The following RUNX1 variants were observed in gnomAD, a reference collection of about 807,000 sequenced individuals.
RUNX1 encodes RUNX family transcription factor 1.
Under a neutral mutation model 42.8 loss-of-function variants are expected in RUNX1, and 19 were observed. That is an observed-to-expected ratio of 0.44 (90% CI 0.31 to 0.65). The LOEUF is 0.65. Among genes scored for constraint, RUNX1 ranks in the 30% least tolerant of loss-of-function variants. The pLI is 0.07. For synonymous variants in RUNX1, 271 were observed against 289.4 expected, an observed-to-expected ratio of 0.94 and a Z score of 0.64; for missense variants, 528 against 672.0, an observed-to-expected ratio of 0.79 and a Z score of 2.37.
At chr21:34,965,445 AG>A (rs2146722653) in intron 2 of RUNX1, among the ~76,000 whole-genome samples, 1 of 152,282 alleles carries the variant, frequency 6.6e-6, no homozygotes, top group South Asian at 2.1e-4. Context: ...GTTTTTACAT[AG>A]GTACCTCTTT....
At chr21:35,047,377 G>T (rs973312897) in intron 2 of RUNX1, among the ~76,000 whole-genome samples, 1 of 152,042 alleles carries the variant, frequency 6.6e-6, no homozygotes, top group African/African-American at 2.4e-5. Flanking sequence ...ACTAACGCAC[G>T]TCTGCATGAT....
intron 2 of RUNX1, among the ~76,000 whole-genome samples, chr21:34,972,007 T>G (rs1344419320): frequency 6.6e-6 from 1 of 152,200 alleles, no homozygotes; most frequent in Non-Finnish European, 1.5e-5. Flanking sequence ...AAAAATATAG[T>G]TTAGAACACT....
intron 5 of RUNX1, among the ~76,000 whole-genome samples, chr21:34,866,726 C>T (rs1017885242): frequency 6.6e-6 from 1 of 152,158 alleles, no homozygotes; most frequent in African/African-American, 2.4e-5. Flanking sequence ...TCCTGATTCT[C>T]CATGCTGAAT....
chr21:34,989,369 C>T (rs891505298), intron 2 of RUNX1, among the ~76,000 whole-genome samples: 4 of 151,858 alleles, frequency 2.6e-5, no homozygotes, highest in Non-Finnish European at 5.9e-5. Context: ...CTTCTTAGTT[C>T]GTACTACAGC....
intron 2 of RUNX1, among the ~76,000 whole-genome samples, chr21:34,904,532 A>G (rs976100981): frequency 1.3e-5 from 2 of 152,212 alleles, no homozygotes; most frequent in Non-Finnish European, 2.9e-5. Context: ...ACCACAAATG[A>G]GCCCAAAAAT....
chr21:35,020,977 G>T (rs765345453), intron 2 of RUNX1, among the ~76,000 whole-genome samples: 1 of 152,162 alleles, frequency 6.6e-6, no homozygotes, highest in Admixed American at 6.5e-5. Context: ...TTACCTTCAG[G>T]CTGGCTGGCT....
intron 3 of RUNX1, among the ~76,000 whole-genome samples, chr21:34,889,399 TGCGCCCGGGCCGCGGCTCGATCCCTCC>T (rs2146433394): frequency 6.9e-6 from 1 of 144,272 alleles, no homozygotes; most frequent in African/African-American, 2.4e-5. Context: ...TTTTTACCGC[TGCGCCCGGGCCGCGGCTCGATCCCTCC>T]GCGCGTCTCA....
At chr21:34,990,446 A>G (rs1367358391) in intron 2 of RUNX1, among the ~76,000 whole-genome samples, 1 of 152,094 alleles carries the variant, frequency 6.6e-6, no homozygotes, top group Non-Finnish European at 1.5e-5. Context: ...ACAGTGATGG[A>G]TCTTTGCCAT....
intron 7 of RUNX1, among the ~76,000 whole-genome samples, chr21:34,802,402 A>T (rs2056619732): frequency 6.6e-6 from 1 of 152,242 alleles, no homozygotes; most frequent in South Asian, 2.1e-4. Context: ...ACAGTCAGTG[A>T]AGATCCCAGG....
At chr21:34,831,801 A>ACATATTAT (rs1401372638) in intron 7 of RUNX1, among the ~76,000 whole-genome samples, 1 of 152,128 alleles carries the variant, frequency 6.6e-6, no homozygotes, top group Non-Finnish European at 1.5e-5. Flanking sequence ...GTCTTGGCTG[A>ACATATTAT]ACAAGACTTG....
At chr21:34,897,986 G>C (rs1478292998) in intron 2 of RUNX1, among the ~76,000 whole-genome samples, 1 of 152,162 alleles carries the variant, frequency 6.6e-6, no homozygotes, top group Non-Finnish European at 1.5e-5. Context: ...TACAAACACA[G>C]TGTTTTCTCA....
chr21:34,794,323 G>A (rs1254516980), intron 8 of RUNX1, among the ~76,000 whole-genome samples: 2 of 152,098 alleles, frequency 1.3e-5, no homozygotes, highest in Non-Finnish European at 2.9e-5. Context: ...GCATGGCTCA[G>A]TAGCAACTGC....
chr21:34,853,369 A>T (rs1299435790), intron 6 of RUNX1, among the ~76,000 whole-genome samples: 2 of 152,226 alleles, frequency 1.3e-5, no homozygotes, highest in Admixed American at 1.3e-4. Context: ...TTCTTGAAGA[A>T]AACTGTATGT....
At chr21:35,018,278 G>A (rs991207307) in intron 2 of RUNX1, among the ~76,000 whole-genome samples, 4 of 152,116 alleles carry the variant, frequency 2.6e-5, no homozygotes, top group Admixed American at 6.5e-5. Context: ...TGCCTGTCTC[G>A]GCCTCCCAAA....
At chr21:34,827,754 G>C (rs945632873) in intron 7 of RUNX1, among the ~76,000 whole-genome samples, 3 of 152,168 alleles carry the variant, frequency 2.0e-5, no homozygotes, top group Non-Finnish European at 4.4e-5. Flanking sequence ...CATTCTGAAG[G>C]GCACAAGCAG....
At chr21:34,991,544 C>CGATGAT (rs10578831) in intron 2 of RUNX1, among the ~76,000 whole-genome samples, 8 of 151,108 alleles carry the variant, frequency 5.3e-5, no homozygotes, top group South Asian at 4.2e-4. Flanking sequence ...GCAGGGATTA[C>CGATGAT]GATGATGATG....
chr21:34,893,278 AT>A (rs762128180), intron 2 of RUNX1, among the ~76,000 whole-genome samples: 34 of 152,188 alleles, frequency 2.2e-4, no homozygotes, highest in Non-Finnish European at 5.9e-5. Context: ...TTTAAAATAT[AT>A]TTGGAAGGTG....
At chr21:34,931,000 T>C (rs1156918574) in intron 2 of RUNX1, among the ~76,000 whole-genome samples, 2 of 152,102 alleles carry the variant, frequency 1.3e-5, no homozygotes, top group African/African-American at 4.8e-5. Flanking sequence ...CTGGCTAGAA[T>C]TGGCAAGAGA....
intron 2 of RUNX1, among the ~76,000 whole-genome samples, chr21:35,019,830 G>A (rs941040357): frequency 1.3e-5 from 2 of 152,126 alleles, no homozygotes; most frequent in East Asian, 3.9e-4. Flanking sequence ...GCTACTCACT[G>A]GGAAAATCGT....
Sources: allele counts gnomAD v4.1 joint callset (sites outside exome capture counted in the v4.1 genomes callset), GRCh38; gene constraint gnomAD v4.1.1; transcripts MANE v1.5; gene names NCBI Gene and HGNC (gene_info 2026-07-23, HGNC 2026-07-21).